RASA1: variants seen among roughly 807,000 people sequenced by gnomAD.
RASA1 encodes the protein RAS p21 protein activator 1.
RASA1 carries 25 observed loss-of-function variants against 132.2 expected under a neutral mutation model. The observed-to-expected ratio is 0.19, with a 90% CI of 0.14 to 0.26. RASA1 has a LOEUF of 0.26. RASA1 is among the 10% of genes least tolerant of loss of function. RASA1 has a pLI of 1.00. For synonymous variants in RASA1, 477 were observed against 449.9 expected (o/e 1.06, Z -0.76); for missense variants, 964 against 1,299.2 (o/e 0.74, Z 3.97).
chr5:87,334,212 A>T (rs1430300023), intron 4 of RASA1, among the ~76,000 whole-genome samples: 2 of 152,216 alleles, frequency 1.3e-5, no homozygotes, highest in Non-Finnish European at 2.9e-5. Flanking sequence ...TTCAGTCTAC[A>T]TCTGAAGACC....
At chr5:87,341,657 T>C (rs1758472981) in intron 6 of RASA1, among the ~76,000 whole-genome samples, 2 of 152,162 alleles carry the variant, frequency 1.3e-5, no homozygotes, top group Non-Finnish European at 2.9e-5. Context: ...TTTCTTGTTT[T>C]ATAGCCACAT....
intron 24 of RASA1, 56 bp downstream of exon 24, chr5:87,389,583 G>C: frequency 6.3e-7 from 1 of 1,591,240 alleles, no homozygotes. Context: ...CACTTAGAGA[G>C]TTAATAAATA....
rs761389909 is a variant in RASA1 at position 87,268,694 on chromosome 5, G to T, written c.243G>T (p.Leu81=). 6.2e-7 allele frequency: 1 copy of T among 1,611,494 alleles called. No homozygotes were observed. The highest frequency in any genetic ancestry group is 1.3e-5 in the African/African-American group (1 of 75,050). The change falls in exon 1 of 25, where the codon CTG becomes CTT. Residue 81 remains leucine, a synonymous_variant. Transcript: ENST00000274376. ...GAGCCGGGTCTGTGGCAGGGGCACT[G>T]GGGGGAGCTGGACTGACAGGGGGAG... ...FLGAGSVAGA[L]GGAGLTGGGT...
At chr5:87,379,527 A>C (rs1012811176) in intron 18 of RASA1, among the ~76,000 whole-genome samples, 36 of 152,192 alleles carry the variant, frequency 2.4e-4, no homozygotes, top group South Asian at 1.9e-3. Flanking sequence ...TCAGTTGGCT[A>C]ATTGGGAATA....
chr5:87,342,162 C>CTTTTTTTTTTTTTTTTT (rs531793273), intron 6 of RASA1, among the ~76,000 whole-genome samples: 2 of 139,786 alleles, frequency 1.4e-5, no homozygotes, highest in Non-Finnish European at 1.6e-5. Flanking sequence ...GTTATTTTTT[C>CTTTTTTTTTTTTTTTTT]TTTTTTTTTT....
intron 1 of RASA1, among the ~76,000 whole-genome samples, chr5:87,277,660 A>G (rs1412108153): frequency 6.6e-6 from 1 of 152,130 alleles, no homozygotes; most frequent in African/African-American, 2.4e-5. Flanking sequence ...TAGCAGCCCA[A>G]ACTGACTAAT....
At chr5:87,328,187 G>A (rs1187317782) in intron 1 of RASA1, among the ~76,000 whole-genome samples, 1 of 152,114 alleles carries the variant, frequency 6.6e-6, no homozygotes, top group Non-Finnish European at 1.5e-5. Flanking sequence ...TGCCACAAAT[G>A]TGAGCAGATT....
At chr5:87,327,960 C>G (rs1339436584) in intron 1 of RASA1, among the ~76,000 whole-genome samples, 2 of 150,202 alleles carry the variant, frequency 1.3e-5, no homozygotes, top group African/African-American at 4.9e-5. Context: ...GAGCAAGACT[C>G]CGTTTCCCAA....
At chr5:87,308,705 C>T (rs1755735243) in intron 1 of RASA1, among the ~76,000 whole-genome samples, 1 of 152,060 alleles carries the variant, frequency 6.6e-6, no homozygotes, top group African/African-American at 2.4e-5. Flanking sequence ...ACATTTTGGT[C>T]AGTCCTATAG....
Position 87,362,614 on chromosome 5 carries a change from AAAAC to A in RASA1, c.1400_1403del (p.Thr467ArgfsTer15). 1 of 1,597,344 alleles carries A rather than the reference AAAAC, an allele frequency of 6.3e-7. No homozygotes were observed. The highest frequency in any genetic ancestry group is 8.6e-7 in the Non-Finnish European group (1 of 1,164,922). The stretch of plus-strand genomic sequence containing the variant: ...GGAAATCTATAATACCATCCGTCGT[AAAAC>A]AAAGGATGCCTTTTATAAAAACATT... On this transcript the variant is annotated frameshift_variant, in exon 10 of 25. Transcript: ENST00000274376. LOFTEE classifies it high-confidence loss of function.
chr5:87,371,948 ATTG>A (rs1477145251), intron 12 of RASA1, among the ~76,000 whole-genome samples, 167 bp from the exon 13 acceptor site: 3 of 143,044 alleles, frequency 2.1e-5, no homozygotes, highest in East Asian at 2.4e-4. Flanking sequence ...TTGTTATGTT[ATTG>A]TTATTTTATT....
chr5:87,303,212 T>C (rs1180452295), intron 1 of RASA1, among the ~76,000 whole-genome samples: 1 of 152,214 alleles, frequency 6.6e-6, no homozygotes, highest in Non-Finnish European at 1.5e-5. Context: ...CTAGTGAAAT[T>C]GATACTTTGT....
At chr5:87,389,796 T>G (rs1206517171) in intron 24 of RASA1, among the ~76,000 whole-genome samples, 1 of 152,228 alleles carries the variant, frequency 6.6e-6, no homozygotes, top group Non-Finnish European at 1.5e-5. Context: ...GTAGCATGTG[T>G]GAAAATGGCT....
intron 1 of RASA1, among the ~76,000 whole-genome samples, chr5:87,309,354 G>A (rs1755763646): frequency 6.6e-6 from 1 of 152,142 alleles, no homozygotes; most frequent in Non-Finnish European, 1.5e-5. Context: ...AGACAGGATA[G>A]TAGGGCACTG....
chr5:87,390,673 G>A, intron 24 of RASA1, 127 bp from the exon 25 acceptor site: 1 of 766,540 alleles, frequency 1.3e-6, no homozygotes, highest in Non-Finnish European at 2.3e-6. Context: ...CTTATGTTTT[G>A]AGGGGAATTG....
At chr5:87,339,445 A>G (rs915855168) in intron 5 of RASA1, among the ~76,000 whole-genome samples, 7 of 152,206 alleles carry the variant, frequency 4.6e-5, no homozygotes, top group Non-Finnish European at 1.0e-4. Context: ...GTTTTCCTAT[A>G]AAATTTGTTA....
chr5:87,276,702 A>G (rs1037404293), intron 1 of RASA1, among the ~76,000 whole-genome samples: 2 of 152,222 alleles, frequency 1.3e-5, no homozygotes, highest in East Asian at 1.9e-4. Context: ...ATTTCATACC[A>G]TAATTCTCTT....
At chr5:87,359,523 A>G (rs1042078059) in intron 9 of RASA1, among the ~76,000 whole-genome samples, 4 of 152,156 alleles carry the variant, frequency 2.6e-5, no homozygotes, top group African/African-American at 9.7e-5. Flanking sequence ...TCCAAGATCT[A>G]TATAAAATCT....
chr5:87,282,600 A>T (rs753549138), intron 1 of RASA1, among the ~76,000 whole-genome samples: 17 of 152,196 alleles, frequency 1.1e-4, no homozygotes, highest in Non-Finnish European at 2.1e-4. Flanking sequence ...TTTTCTCCAA[A>T]TACGGATGTT....
Sources: allele counts gnomAD v4.1 joint callset (sites outside exome capture counted in the v4.1 genomes callset), GRCh38; gene constraint gnomAD v4.1.1; transcripts MANE v1.5; gene names NCBI Gene and HGNC (gene_info 2026-07-23, HGNC 2026-07-21).